The following SYNPR variants were observed in gnomAD, a reference collection of about 807,000 sequenced individuals.
SYNPR encodes synaptoporin.
Under a neutral mutation model 32.9 loss-of-function variants are expected in SYNPR, and 23 were observed. That is an observed-to-expected ratio of 0.70 (90% confidence interval 0.50 to 0.99). SYNPR has a LOEUF of 0.99. Among genes scored for constraint, SYNPR ranks in the 50% least tolerant of loss-of-function variants. SYNPR has a pLI of 0.00. For synonymous variants in SYNPR, 146 were observed against 135.9 expected (o/e 1.07, Z -0.52); for missense variants, 318 against 349.3 (o/e 0.91, Z 0.71).
intron 2 of SYNPR, among the ~76,000 whole-genome samples, chr3:63,452,561 G>C (rs1354385087): frequency 6.6e-6 from 1 of 152,164 alleles, no homozygotes; most frequent in African/African-American, 2.4e-5. Context: ...AGTTTGCATA[G>C]ATGACATTTA....
intron 4 of SYNPR, among the ~76,000 whole-genome samples, chr3:63,565,322 A>G (rs935745089): frequency 6.6e-6 from 1 of 152,188 alleles, no homozygotes; most frequent in Non-Finnish European, 1.5e-5. Flanking sequence ...AAGAACAGAA[A>G]TTAATCTTCT....
intron 2 of SYNPR, among the ~76,000 whole-genome samples, chr3:63,333,657 A>G (rs1255936591): frequency 6.6e-6 from 1 of 152,102 alleles, no homozygotes; most frequent in Non-Finnish European, 1.5e-5. Context: ...GCTTCAAGCC[A>G]TCCTCTCACC....
intron 2 of SYNPR, among the ~76,000 whole-genome samples, chr3:63,375,179 T>C (rs2087871842): frequency 6.6e-6 from 1 of 152,172 alleles, no homozygotes; most frequent in Non-Finnish European, 1.5e-5. Context: ...CTCAAGGATC[T>C]AGAACTAGAA....
At chr3:63,456,838 G>A (rs769906860) in intron 2 of SYNPR, among the ~76,000 whole-genome samples, 4 of 151,968 alleles carry the variant, frequency 2.6e-5, no homozygotes, top group Non-Finnish European at 5.9e-5. Flanking sequence ...TCCCCACTCC[G>A]ATGCCTTTAA....
At chr3:63,379,136 T>A (rs1218865259) in intron 2 of SYNPR, among the ~76,000 whole-genome samples, 1 of 152,210 alleles carries the variant, frequency 6.6e-6, no homozygotes, top group East Asian at 1.9e-4. Flanking sequence ...TGTTATTGAA[T>A]TTCTAGTTTG....
At chr3:63,312,953 A>G (rs1399158205) in intron 2 of SYNPR, among the ~76,000 whole-genome samples, 1 of 152,000 alleles carries the variant, frequency 6.6e-6, no homozygotes, top group African/African-American at 2.4e-5. Context: ...TGACCATCTC[A>G]GTGGATATCT....
intron 2 of SYNPR, among the ~76,000 whole-genome samples, chr3:63,379,483 A>G (rs1017266673): frequency 1.3e-5 from 2 of 152,046 alleles, no homozygotes; most frequent in African/African-American, 2.4e-5. Context: ...TTTTGCTTCA[A>G]CTGGAAGTTT....
At chr3:63,561,280 T>C (rs1702684753) in intron 4 of SYNPR, 1 of 152,220 alleles carries the variant, frequency 6.6e-6, no homozygotes, top group African/African-American at 2.4e-5. Flanking sequence ...TTCTACTATG[T>C]GATGAGCTAA....
intron 2 of SYNPR, among the ~76,000 whole-genome samples, chr3:63,355,593 T>A (rs2087566326): frequency 6.6e-6 from 1 of 152,166 alleles, no homozygotes; most frequent in South Asian, 2.1e-4. Context: ...CTTTCAGAAA[T>A]CTTAAAGGTT....
intron 2 of SYNPR, among the ~76,000 whole-genome samples, chr3:63,450,097 A>G (rs560795249): frequency 3.2e-4 from 49 of 152,328 alleles, no homozygotes; most frequent in African/African-American, 1.1e-3. Flanking sequence ...GGAATTTGAG[A>G]TCTACAGGCT....
intron 2 of SYNPR, among the ~76,000 whole-genome samples, chr3:63,423,439 C>G (rs1699834282): frequency 6.6e-6 from 1 of 152,184 alleles, no homozygotes; most frequent in African/African-American, 2.4e-5. Flanking sequence ...GTCTCCCTCA[C>G]TTGGGGCCTG....
intron 2 of SYNPR, among the ~76,000 whole-genome samples, chr3:63,415,417 A>AT (rs34865189): frequency 0.04 from 5,913 of 149,160 alleles, 317 homozygotes; most frequent in African/African-American, 0.12. Flanking sequence ...AGAATTAAGA[A>AT]TTTTTTTTTT....
rs60624781 is a variant in SYNPR, at chr3:63,494,393, TTATATATATATA to T, written c.209+13450_209+13461del. Among the ~76,000 whole-genome samples the T allele has an allele frequency of 1.6e-3, 89 of 54,950 alleles. 1 individual carries two copies. The highest frequency in any genetic ancestry group is 2.9e-3 in the Non-Finnish European group (76 of 25,980). The allele number at this position is 54,950 out of a possible 152,430, so 36.0% of individuals were successfully genotyped here. On this transcript the variant is annotated intron_variant, in intron 3 of 5. Transcript: ENST00000478300. The stretch of plus-strand genomic sequence containing the variant: ...AAAAGTAGGGTGGATATGTTAATTC[TTATATATATATA>T]TATATATATATACGTATATATATAT...
chr3:63,596,822 G>A (rs1208164484), intron 4 of SYNPR, among the ~76,000 whole-genome samples: 2 of 152,094 alleles, frequency 1.3e-5, no homozygotes, highest in African/African-American at 4.8e-5. Flanking sequence ...ACTTGACCAT[G>A]GATATAAATG....
intron 3 of SYNPR, among the ~76,000 whole-genome samples, chr3:63,548,688 C>T (rs552458338): frequency 4.6e-5 from 7 of 152,242 alleles, no homozygotes; most frequent in South Asian, 2.1e-4. Flanking sequence ...AAAATAATCA[C>T]GTAAAGAGAA....
chr3:63,512,602 A>G (rs544995838), intron 3 of SYNPR, among the ~76,000 whole-genome samples: 1 of 152,270 alleles, frequency 6.6e-6, no homozygotes, highest in South Asian at 2.1e-4. Context: ...AAACAAGGTC[A>G]TAGAAATGTG....
At chr3:63,254,939 C>T (rs552600446) in intron 2 of SYNPR, among the ~76,000 whole-genome samples, 72 of 152,276 alleles carry the variant, frequency 4.7e-4, no homozygotes, top group African/African-American at 1.7e-3. Context: ...AGATGGCCAT[C>T]CATGGAAGAG....
intron 3 of SYNPR, among the ~76,000 whole-genome samples, chr3:63,494,557 G>A (rs533187295): frequency 2.0e-5 from 3 of 146,806 alleles, no homozygotes; most frequent in Admixed American, 6.9e-5. Flanking sequence ...CATCATCATC[G>A]TTGTCATCGA....
chr3:63,395,863 A>AT (rs1408667788), intron 2 of SYNPR, among the ~76,000 whole-genome samples: 1 of 151,640 alleles, frequency 6.6e-6, no homozygotes, highest in Non-Finnish European at 1.5e-5. Flanking sequence ...GGAATTTTAC[A>AT]TTTTTCCTTT....
Sources: allele counts gnomAD v4.1 joint callset (sites outside exome capture counted in the v4.1 genomes callset), GRCh38; gene constraint gnomAD v4.1.1; transcripts MANE v1.5; gene names NCBI Gene and HGNC (gene_info 2026-07-23, HGNC 2026-07-21).